PSD3: variants seen among roughly 807,000 people sequenced by gnomAD.
PSD3 encodes pleckstrin and Sec7 domain containing 3, also known as PH and SEC7 domain-containing protein 3.
Under a neutral mutation model 105.5 loss-of-function variants are expected in PSD3, and 49 were observed. That is an observed-to-expected ratio of 0.46 (90% CI 0.37 to 0.59). The LOEUF (loss-of-function observed/expected upper bound fraction) is 0.59. Ranked by LOEUF, PSD3 falls within the 20% of genes least tolerant of loss-of-function variation. PSD3 has a pLI of 0.00. For synonymous variants in PSD3, 557 were observed against 457.8 expected (o/e 1.22, Z -2.77); for missense variants, 1,561 against 1,263.8 (o/e 1.24, Z -3.57).
intron 9 of PSD3, among the ~76,000 whole-genome samples, chr8:18,709,936 T>G (rs1056362741): frequency 1.3e-5 from 2 of 152,050 alleles, no homozygotes; most frequent in African/African-American, 4.8e-5. Flanking sequence ...GTGCCTCTTC[T>G]CCTCCAAATG....
At chr8:18,979,800 A>G (rs552011172) in intron 1 of PSD3, 1 of 153,374 alleles carries the variant, frequency 6.5e-6, no homozygotes, top group Non-Finnish European at 1.5e-5. Flanking sequence ...AAATAAAAGA[A>G]TATACTCTCC....
chr8:18,878,390 TC>T (rs1473392023), intron 2 of PSD3, among the ~76,000 whole-genome samples: 1 of 152,166 alleles, frequency 6.6e-6, no homozygotes, highest in Non-Finnish European at 1.5e-5. Context: ...CTTTACTTCT[TC>T]CTTTACAATC....
chr8:18,604,673 A>G (rs1012632407), intron 11 of PSD3, among the ~76,000 whole-genome samples: 13 of 152,200 alleles, frequency 8.5e-5, no homozygotes, highest in South Asian at 4.1e-4. Flanking sequence ...AGAGACCTTC[A>G]CAGCAGCCCC....
chr8:19,055,179 C>G (rs995959902), intron 1 of PSD3, among the ~76,000 whole-genome samples: 14 of 152,182 alleles, frequency 9.2e-5, no homozygotes, highest in Admixed American at 4.6e-4. Flanking sequence ...AATAGTCTTG[C>G]CTAGCTTAAT....
chr8:18,683,752 G>T (rs376828892), intron 9 of PSD3: 111 of 763,614 alleles, frequency 1.5e-4, no homozygotes, highest in Non-Finnish European at 1.4e-4. Flanking sequence ...TGTCAATAAG[G>T]TTCAATGTGG....
intron 2 of PSD3, among the ~76,000 whole-genome samples, chr8:18,891,192 TACTCTATA>T (rs1373244662): frequency 6.6e-6 from 1 of 152,182 alleles, no homozygotes; most frequent in Non-Finnish European, 1.5e-5. Flanking sequence ...AACTGTTAGG[TACTCTATA>T]AATTCCAATG....
At chr8:18,544,074 C>T (rs2130001192) in intron 15 of PSD3, among the ~76,000 whole-genome samples, 1 of 150,328 alleles carries the variant, frequency 6.7e-6, no homozygotes, top group South Asian at 2.1e-4. Flanking sequence ...GGGCAAAAGG[C>T]CATCTTAAGA....
intron 11 of PSD3, among the ~76,000 whole-genome samples, chr8:18,614,602 T>C (rs921412437): frequency 2.0e-5 from 3 of 152,102 alleles, no homozygotes; most frequent in Admixed American, 6.5e-5. Context: ...CATGGGTTAA[T>C]TAAAGAATGA....
chr8:18,571,545 A>C (rs1802141981), intron 14 of PSD3, among the ~76,000 whole-genome samples: 1 of 152,230 alleles, frequency 6.6e-6, no homozygotes, highest in African/African-American at 2.4e-5. Context: ...AAATCATTTT[A>C]CAATGACTTC....
intron 4 of PSD3, among the ~76,000 whole-genome samples, chr8:18,862,950 T>A (rs1264601420): frequency 6.6e-6 from 1 of 150,692 alleles, no homozygotes; most frequent in African/African-American, 2.4e-5. Flanking sequence ...GAAGACAGAC[T>A]GAAGCGCTTC....
intron 11 of PSD3, among the ~76,000 whole-genome samples, chr8:18,601,955 C>T (rs1409280953): frequency 6.6e-6 from 1 of 152,136 alleles, no homozygotes; most frequent in South Asian, 2.1e-4. Flanking sequence ...CACAATCTCA[C>T]CTGGTCTGAA....
intron 1 of PSD3, among the ~76,000 whole-genome samples, chr8:19,049,492 C>G (rs1828440937): frequency 6.6e-6 from 1 of 152,022 alleles, no homozygotes; most frequent in Non-Finnish European, 1.5e-5. Context: ...AAGTTCAGGA[C>G]CAGCCCAGAC....
At chr8:18,624,613 C>A (rs1806349218) in intron 11 of PSD3, among the ~76,000 whole-genome samples, 1 of 147,410 alleles carries the variant, frequency 6.8e-6, no homozygotes, top group African/African-American at 2.5e-5. Context: ...GTGCAGCACA[C>A]CAGCATGGCA....
Position 18,982,253 on chromosome 8 carries a change from C to G in PSD3, c.21+31310G>C, listed in dbSNP as rs539743438. Among the ~76,000 whole-genome samples the G allele has an allele frequency of 4.6e-5, 7 of 152,324 alleles. No individual in the cohort carries two copies. The South Asian group carries it at 1.5e-3, about 32-fold the overall frequency. On this transcript the variant is annotated intron_variant, in intron 1 of 15. Coordinates refer to ENST00000327040, the MANE Select transcript of PSD3 (RefSeq NM_015310.4). The stretch of plus-strand genomic sequence containing the variant: ...AATTGTAGTAATTCAGTCATATCAT[C>G]AGGCTCCATTTTTAATTCTAGTTCT...
intron 9 of PSD3, among the ~76,000 whole-genome samples, chr8:18,677,198 G>C (rs7834242): frequency 6.6e-6 from 1 of 152,022 alleles, no homozygotes; most frequent in Non-Finnish European, 1.5e-5. Context: ...GAGGAAGGAG[G>C]GAAATTAAGA....
intron 15 of PSD3, among the ~76,000 whole-genome samples, chr8:18,540,125 C>A (rs1800078547): frequency 6.6e-6 from 1 of 152,056 alleles, no homozygotes; most frequent in South Asian, 2.1e-4. Flanking sequence ...TAGATTTGGC[C>A]CCTGACATGT....
At chr8:18,957,243 C>T (rs747040000) in intron 1 of PSD3, among the ~76,000 whole-genome samples, 9 of 151,928 alleles carry the variant, frequency 5.9e-5, no homozygotes, top group East Asian at 1.9e-4. Flanking sequence ...TGGTGGCGCG[C>T]GCCTGTAGTC....
chr8:18,674,872 G>C (rs578109639), intron 9 of PSD3, among the ~76,000 whole-genome samples: 1 of 151,994 alleles, frequency 6.6e-6, no homozygotes, highest in Non-Finnish European at 1.5e-5. Flanking sequence ...AGCCTGGAGT[G>C]GTGACATGTG....
At chr8:18,958,305 T>C (rs1226581610) in intron 1 of PSD3, among the ~76,000 whole-genome samples, 1 of 152,198 alleles carries the variant, frequency 6.6e-6, no homozygotes, top group Non-Finnish European at 1.5e-5. Flanking sequence ...TTAACAGAGA[T>C]TGTCTTAGGG....
Sources: allele counts gnomAD v4.1 joint callset (sites outside exome capture counted in the v4.1 genomes callset), GRCh38; gene constraint gnomAD v4.1.1; transcripts MANE v1.5; gene names NCBI Gene and HGNC (gene_info 2026-07-23, HGNC 2026-07-21).